CCDC3: variants seen among roughly 807,000 people sequenced by gnomAD.
The protein encoded by CCDC3 is coiled-coil domain containing 3.
In CCDC3, 24 loss-of-function variants were observed where a neutral mutation model predicts 21.4. That is an observed-to-expected ratio of 1.12 (90% CI 0.81 to 1.58). The LOEUF is 1.58. Ranked by LOEUF, CCDC3 falls within the 40% of genes most tolerant of loss-of-function variation. The pLI is 0.00. For synonymous variants in CCDC3, 186 were observed against 166.0 expected (o/e 1.12, Z -0.93); for missense variants, 425 against 360.9 (o/e 1.18, Z -1.44).
At chr10:12,974,270 A>G (rs925037212) in intron 2 of CCDC3, among the ~76,000 whole-genome samples, 1 of 152,196 alleles carries the variant, frequency 6.6e-6, no homozygotes, top group Admixed American at 6.5e-5. Context: ...TGGAGTTTCC[A>G]TCTAGGAGGG....
At chr10:13,045,526 G>C (rs1270794228) in intron 5 of CCDC3, among the ~76,000 whole-genome samples, 1 of 152,104 alleles carries the variant, frequency 6.6e-6, no homozygotes, top group African/African-American at 2.4e-5. Context: ...GCTGAGGCAG[G>C]AGAATCGCTT....
At chr10:12,945,145 G>A (rs916527739) in intron 2 of CCDC3, among the ~76,000 whole-genome samples, 1 of 152,158 alleles carries the variant, frequency 6.6e-6, no homozygotes, top group Non-Finnish European at 1.5e-5. Context: ...TAGAAATTAT[G>A]ATTCATAAAT....
chr10:12,933,454 C>CTTTTT lies in CCDC3; in HGVS notation c.550-34776_550-34775insAAAAA, dbSNP rs545950029. Among the ~76,000 whole-genome samples, 216 of 115,820 alleles carry CTTTTT rather than the reference C, an allele frequency of 1.9e-3. 6 individuals carry two copies. The highest frequency in any genetic ancestry group is 9.5e-3 in the Middle Eastern group (2 of 210). 76.0% of individuals were successfully genotyped at this position (115,820 alleles called of 152,430 possible). On this transcript the variant is annotated intron_variant, in intron 2 of 2. Transcript: ENST00000378825. ...GGCATAGAGTTGTTGATAATATTCC[C>CTTTTT]TTTATTTTTTTTTTTTTTGAGACAG...
intron 2 of CCDC3, among the ~76,000 whole-genome samples, chr10:12,899,691 CAG>C (rs1023948405): frequency 3.9e-5 from 6 of 152,162 alleles, no homozygotes; most frequent in Non-Finnish European, 8.8e-5. Flanking sequence ...CTGTGCAGAA[CAG>C]TGTGTATAGT....
intron 4 of CCDC3, among the ~76,000 whole-genome samples, chr10:13,067,871 T>G (rs549340886): frequency 4.9e-4 from 74 of 150,528 alleles, no homozygotes; most frequent in Middle Eastern, 3.4e-3. Flanking sequence ...CTCAGCTTAA[T>G]TAAAAGTGGA....
chr10:13,054,969 G>A (rs984971619), intron 4 of CCDC3, among the ~76,000 whole-genome samples: 4 of 152,116 alleles, frequency 2.6e-5, no homozygotes, highest in African/African-American at 9.7e-5. Context: ...ACCCAGCCAA[G>A]GAGTTATTAT....
chr10:13,027,780 A>T (rs146823823), intron 5 of CCDC3, among the ~76,000 whole-genome samples: 37 of 152,216 alleles, frequency 2.4e-4, no homozygotes, highest in African/African-American at 8.7e-4. Context: ...CATTTAATCA[A>T]TACGACCTTA....
At chr10:13,059,321 C>T (rs918084683) in intron 4 of CCDC3, among the ~76,000 whole-genome samples, 1 of 152,172 alleles carries the variant, frequency 6.6e-6, no homozygotes, top group Non-Finnish European at 1.5e-5. Flanking sequence ...CCTCCTGCCT[C>T]CTGCCCTAGA....
intron 2 of CCDC3, among the ~76,000 whole-genome samples, chr10:12,955,503 C>T (rs1835069583): frequency 3.3e-5 from 5 of 152,168 alleles, no homozygotes. Flanking sequence ...AATTCCAACT[C>T]AGACCCAGGG....
intron 2 of CCDC3, among the ~76,000 whole-genome samples, chr10:12,964,713 A>C (rs1835234132): frequency 6.6e-6 from 1 of 152,214 alleles, no homozygotes; most frequent in African/African-American, 2.4e-5. Context: ...GGCATCCTTA[A>C]CAATGTAATT....
chr10:12,939,331 A>T (rs1834784289), intron 2 of CCDC3, among the ~76,000 whole-genome samples: 1 of 152,210 alleles, frequency 6.6e-6, no homozygotes, highest in East Asian at 1.9e-4. Context: ...TTTATATTTT[A>T]TAATAACTGT....
intron 2 of CCDC3, among the ~76,000 whole-genome samples, chr10:12,952,196 G>A (rs1446775786): frequency 2.0e-5 from 3 of 152,226 alleles, no homozygotes; most frequent in African/African-American, 2.4e-5. Flanking sequence ...GCACCAGATA[G>A]AATGTGACCT....
intron 2 of CCDC3, among the ~76,000 whole-genome samples, chr10:12,957,988 G>A (rs1835119564): frequency 1.3e-5 from 2 of 151,918 alleles, no homozygotes; most frequent in Non-Finnish European, 2.9e-5. Flanking sequence ...CACCACGTCT[G>A]GCTAATTTTT....
chr10:13,035,836 G>A (rs1836370724), intron 5 of CCDC3, among the ~76,000 whole-genome samples: 1 of 152,142 alleles, frequency 6.6e-6, no homozygotes. Flanking sequence ...GAGCTGAAGT[G>A]TCTAATACCA....
chr10:12,902,359 G>A (rs911964296), intron 2 of CCDC3, among the ~76,000 whole-genome samples: 1 of 152,114 alleles, frequency 6.6e-6, no homozygotes, highest in African/African-American at 2.4e-5. Context: ...GAAATTCCCG[G>A]GAGAACTGAC....
chr10:13,096,177 T>TTCTC (rs925719960), intron 3 of CCDC3, among the ~76,000 whole-genome samples: 1 of 61,934 alleles, frequency 1.6e-5, no homozygotes, highest in South Asian at 6.9e-4. Flanking sequence ...CCTTTCTTCC[T>TTCTC]TCTCTCTCTC....
chr10:13,076,231 G>A (rs1291714732), intron 3 of CCDC3, among the ~76,000 whole-genome samples: 5 of 152,146 alleles, frequency 3.3e-5, no homozygotes, highest in Non-Finnish European at 5.9e-5. Context: ...GAATTAAAAC[G>A]AAAAATAGAG....
intron 2 of CCDC3, among the ~76,000 whole-genome samples, chr10:12,951,230 G>C (rs1835003559): frequency 6.6e-6 from 1 of 152,052 alleles, no homozygotes; most frequent in African/African-American, 2.4e-5. Context: ...TTTTTAATTA[G>C]CTGGACATGG....
chr10:13,051,234 T>C lies in CCDC3; in HGVS notation c.-269-1293A>G, dbSNP rs527781552. Reference sequence around the variant, plus strand: ...ATTTTGGTCACAGCCTGCAAATTAGTGGGGAGGAAGAGGGATTACTTCTCA... The same window carrying C: ...ATTTTGGTCACAGCCTGCAAATTAGCGGGGAGGAAGAGGGATTACTTCTCA... On this transcript the variant is annotated intron_variant, in intron 4 of 6. Coordinates refer to the CCDC3 transcript ENST00000378839. Among the ~76,000 whole-genome samples, 55 of 152,182 alleles carry C rather than the reference T, an allele frequency of 3.6e-4. 2 individuals are homozygous for C. In the Middle Eastern group the frequency reaches 0.01, roughly 28 times the overall value.
Sources: gnomAD v4.1 joint callset for allele counts (sites outside exome capture counted in the v4.1 genomes callset) on GRCh38, gnomAD v4.1.1 for gene constraint, MANE v1.5 for transcripts, NCBI Gene and HGNC (gene_info 2026-07-23, HGNC 2026-07-21) for gene names.